Variants in NAALADL2 observed in about 807,000 individuals in gnomAD.
The protein encoded by NAALADL2 is N-acetylated alpha-linked acidic dipeptidase like 2.
Under a neutral mutation model 87.2 loss-of-function variants are expected in NAALADL2, and 76 were observed. That is an observed-to-expected ratio of 0.87 (90% CI 0.72 to 1.05). The LOEUF (loss-of-function observed/expected upper bound fraction) is 1.05, where lower values mean the gene tolerates loss of function less well. Among genes scored for constraint, NAALADL2 ranks in the 50% least tolerant of loss-of-function variants. NAALADL2 has a pLI of 0.00. For synonymous variants in NAALADL2, 354 were observed against 331.0 expected, an observed-to-expected ratio of 1.07 and a Z score of -0.75; for missense variants, 1,089 against 945.8, an observed-to-expected ratio of 1.15 and a Z score of -1.99.
chr3:174,450,890 A>AAAAGAAAG (rs1180049553), intron 1 of NAALADL2, among the ~76,000 whole-genome samples: 1 of 150,076 alleles, frequency 6.7e-6, no homozygotes, highest in Non-Finnish European at 1.5e-5. Flanking sequence ...AAAAAAAAAA[A>AAAAGAAAG]AAAGAAAGAA....
At chr3:174,618,792 T>A (rs754542102) in intron 2 of NAALADL2, among the ~76,000 whole-genome samples, 9 of 151,960 alleles carry the variant, frequency 5.9e-5, no homozygotes, top group Non-Finnish European at 8.8e-5. Flanking sequence ...TAAGACTTAA[T>A]TTTATAAGTG....
chr3:175,654,539 G>A (rs776908235), intron 11 of NAALADL2, among the ~76,000 whole-genome samples: 2 of 152,074 alleles, frequency 1.3e-5, no homozygotes, highest in Non-Finnish European at 2.9e-5. Context: ...TTAGTCTATA[G>A]GTATGCCTTT....
At chr3:174,808,806 GTGTGTGTGTTTGTGTGTGCACATGCA>G (rs1160322267) in intron 3 of NAALADL2, among the ~76,000 whole-genome samples, 49 of 151,932 alleles carry the variant, frequency 3.2e-4, no homozygotes, top group African/African-American at 1.1e-3. Context: ...AAAAAAATGT[GTGTGTGTGTTTGTGTGTGCACATGCA>G]TGTGTGTGTT....
chr3:175,171,153 C>T (rs892880144), intron 2 of NAALADL2, among the ~76,000 whole-genome samples: 1 of 151,942 alleles, frequency 6.6e-6, no homozygotes, highest in Non-Finnish European at 1.5e-5. Context: ...ACTCATACAA[C>T]TCAGGCTTAT....
chr3:175,176,748 T>C (rs1036058419), intron 2 of NAALADL2, among the ~76,000 whole-genome samples: 1 of 151,494 alleles, frequency 6.6e-6, no homozygotes, highest in Non-Finnish European at 1.5e-5. Context: ...GAGTAAGGGG[T>C]CGGAGCCAAG....
rs1037017277 is a variant in NAALADL2 at position 174,926,121 on chromosome 3, A to G, written c.43+66671A>G. 3.3e-5 allele frequency among the ~76,000 whole-genome samples: 5 copies of G among 152,190 alleles called. No individual in the cohort carries two copies. The South Asian group carries it at 6.2e-4, about 19-fold the overall frequency. The stretch of plus-strand genomic sequence containing the variant: ...AAAGGGTATCAGTGTTTGAAGATCA[A>G]ATGAATGAAATGAAGCGAGAAGAGA... On this transcript the variant is annotated intron_variant, in intron 1 of 13. Transcript: ENST00000454872.
chr3:175,545,720 A>G (rs752853001), intron 9 of NAALADL2, among the ~76,000 whole-genome samples: 30 of 152,168 alleles, frequency 2.0e-4, no homozygotes, highest in Non-Finnish European at 2.9e-4. Flanking sequence ...ATAAAAGTTG[A>G]ACCAAACTGT....
intron 2 of NAALADL2, among the ~76,000 whole-genome samples, chr3:175,106,319 A>G (rs1413270426): frequency 6.6e-6 from 1 of 152,086 alleles, no homozygotes; most frequent in Non-Finnish European, 1.5e-5. Flanking sequence ...ACATAATTGC[A>G]GTGATTATCT....
intron 1 of NAALADL2, among the ~76,000 whole-genome samples, chr3:174,549,013 G>C (rs1044400516): frequency 6.6e-6 from 1 of 152,096 alleles, no homozygotes; most frequent in Admixed American, 6.6e-5. Context: ...GCTAATTTGT[G>C]TATTTTTTGT....
At chr3:175,684,758 G>A (rs906805442) in intron 11 of NAALADL2, among the ~76,000 whole-genome samples, 43 of 152,066 alleles carry the variant, frequency 2.8e-4, no homozygotes, top group Admixed American at 6.6e-5. Flanking sequence ...AGCTATGACC[G>A]CACCACTGCA....
At chr3:175,391,768 G>C (rs1202982022) in intron 5 of NAALADL2, among the ~76,000 whole-genome samples, 1 of 152,004 alleles carries the variant, frequency 6.6e-6, no homozygotes, top group Non-Finnish European at 1.5e-5. Flanking sequence ...CACATACTAA[G>C]GCAGGATCTT....
intron 1 of NAALADL2, chr3:175,081,132 T>G (rs1474418873): frequency 6.6e-6 from 1 of 152,156 alleles, no homozygotes. Context: ...TTTAAACCGG[T>G]TTTCCAGTAA....
chr3:175,354,007 C>A (rs1265306042), intron 5 of NAALADL2, among the ~76,000 whole-genome samples: 1 of 152,156 alleles, frequency 6.6e-6, no homozygotes, highest in Non-Finnish European at 1.5e-5. Flanking sequence ...AATTATGGAG[C>A]TATTTTTCTC....
At chr3:174,477,691 TC>T (rs1379307996) in intron 1 of NAALADL2, among the ~76,000 whole-genome samples, 1 of 152,188 alleles carries the variant, frequency 6.6e-6, no homozygotes, top group African/African-American at 2.4e-5. Context: ...GTTCTTATTA[TC>T]AGGAATAAAT....
chr3:174,765,877 G>T (rs1053181895), intron 3 of NAALADL2, among the ~76,000 whole-genome samples: 2 of 152,110 alleles, frequency 1.3e-5, no homozygotes, highest in Non-Finnish European at 2.9e-5. Context: ...AATGATAGAG[G>T]AGCAAGAAAG....
chr3:175,414,142 T>G (rs150290506), intron 5 of NAALADL2, among the ~76,000 whole-genome samples: 1 of 152,210 alleles, frequency 6.6e-6, no homozygotes, highest in Non-Finnish European at 1.5e-5. Context: ...AACTTGTGTT[T>G]GCTTTGTGGG....
chr3:175,367,996 C>CATA lies in NAALADL2; in HGVS notation c.1090+43672_1090+43674dup, dbSNP rs749223656. Among the ~76,000 whole-genome samples, 48 of 152,218 alleles carry CATA rather than the reference C, an allele frequency of 3.2e-4. 1 individual carries two copies. In the East Asian group the frequency reaches 8.5e-3, roughly 27 times the overall value. ...ATTATGATATTGGCTGTGGGTTTGT[C>CATA]ATAGATAGCTCTTATTATTTTGAGA... On this transcript the variant is annotated intron_variant, in intron 5 of 13. Transcript: ENST00000454872.
At chr3:175,107,535 A>ACACACACAAAC (rs1560036217) in intron 2 of NAALADL2, among the ~76,000 whole-genome samples, 1 of 146,056 alleles carries the variant, frequency 6.8e-6, no homozygotes, top group African/African-American at 2.6e-5. Context: ...CACACACACA[A>ACACACACAAAC]ACACACACAC....
intron 10 of NAALADL2, among the ~76,000 whole-genome samples, chr3:175,619,452 T>C (rs1725890771): frequency 1.4e-5 from 2 of 141,010 alleles, no homozygotes; most frequent in Admixed American, 7.5e-5. Context: ...CAGGACTATG[T>C]TGATTCCTAA....
Sources: gnomAD v4.1 joint callset for allele counts (sites outside exome capture counted in the v4.1 genomes callset) on GRCh38, gnomAD v4.1.1 for gene constraint, MANE v1.5 for transcripts, NCBI Gene and HGNC (gene_info 2026-07-23, HGNC 2026-07-21) for gene names.